CCBE1: variants seen among roughly 807,000 people sequenced by gnomAD.
CCBE1 encodes collagen and calcium-binding EGF domain-containing protein 1.
CCBE1 carries 37 observed loss-of-function variants against 50.0 expected under a neutral mutation model. That is an observed-to-expected ratio of 0.74 (90% confidence interval 0.57 to 0.97). CCBE1 has a LOEUF of 0.97. Among genes scored for constraint, CCBE1 ranks in the 50% least tolerant of loss-of-function variants. The pLI, the probability that CCBE1 is intolerant of heterozygous loss-of-function variation, is 0.00. For missense variants in CCBE1, 538 were observed against 523.8 expected (o/e 1.03, Z -0.26); for synonymous variants, 234 against 203.7 (o/e 1.15, Z -1.27).
At chr18:59,667,308 T>G (rs972666840) in intron 2 of CCBE1, among the ~76,000 whole-genome samples, 5 of 152,098 alleles carry the variant, frequency 3.3e-5, no homozygotes, top group African/African-American at 1.2e-4. Context: ...ACAGGGTACA[T>G]TTTTCTATTT....
chr18:59,621,968 C>G (rs569132782), intron 2 of CCBE1, among the ~76,000 whole-genome samples: 1 of 152,292 alleles, frequency 6.6e-6, no homozygotes, highest in East Asian at 1.9e-4. Context: ...CTAAACGACA[C>G]CCCAGCACTA....
chr18:59,437,819 T>C lies in CCBE1; in HGVS notation c.987+292A>G, dbSNP rs115142041. Among the ~76,000 whole-genome samples the C allele has an allele frequency of 2.1e-3, 323 of 152,314 alleles. 2 individuals carry two copies. Among genetic ancestry groups the C allele is most frequent in the African/African-American group, 7.1e-3 (295 of 41,562 alleles). On this transcript the variant is annotated intron_variant, in intron 10 of 10. Coordinates refer to ENST00000439986, the MANE Select transcript of CCBE1 (RefSeq NM_133459.4). ...CCTTTCAAATGTTTTATGATAATAC[T>C]TGGAAACAGACTCATGGCATAGCAG... is the stretch of plus-strand genomic sequence containing the variant.
intron 2 of CCBE1, among the ~76,000 whole-genome samples, chr18:59,493,202 T>C (rs769003342): frequency 1.3e-5 from 2 of 152,216 alleles, no homozygotes; most frequent in Non-Finnish European, 2.9e-5. Context: ...TGATCTGAGA[T>C]AGTCTTTCTT....
intron 9 of CCBE1, 149 bp from the exon 10 acceptor site, chr18:59,438,295 G>A (rs1289940391): frequency 1.2e-5 from 9 of 748,058 alleles, no homozygotes; most frequent in African/African-American, 6.9e-5. Context: ...CTGGACTCAC[G>A]GGACCACTTA....
intron 2 of CCBE1, among the ~76,000 whole-genome samples, chr18:59,511,866 G>C (rs1914146953): frequency 6.6e-6 from 1 of 152,198 alleles, no homozygotes; most frequent in African/African-American, 2.4e-5. Flanking sequence ...TGATCAAAAA[G>C]AGGCAAAATG....
chr18:59,696,986 G>A (rs1434254070), intron 1 of CCBE1, among the ~76,000 whole-genome samples: 1 of 152,200 alleles, frequency 6.6e-6, no homozygotes, highest in African/African-American at 2.4e-5. Context: ...GGAACGCGGG[G>A]CGAAGGGTAT....
chr18:59,656,698 G>GAT (rs764090541), intron 2 of CCBE1, among the ~76,000 whole-genome samples: 2 of 152,196 alleles, frequency 1.3e-5, no homozygotes, highest in Non-Finnish European at 2.9e-5. Flanking sequence ...CATTTTTAGT[G>GAT]ATAGAGTTGT....
intron 2 of CCBE1, among the ~76,000 whole-genome samples, chr18:59,587,880 C>T (rs2053200900): frequency 6.6e-6 from 1 of 152,024 alleles, no homozygotes; most frequent in Non-Finnish European, 1.5e-5. Flanking sequence ...AAAGAGGCAA[C>T]AAATGAATTT....
At chr18:59,669,031 A>C (rs2054396602) in intron 2 of CCBE1, among the ~76,000 whole-genome samples, 1 of 151,840 alleles carries the variant, frequency 6.6e-6, no homozygotes, top group Non-Finnish European at 1.5e-5. Flanking sequence ...AGAGGGTTTT[A>C]CTATGTTGGC....
At chr18:59,559,777 T>TAAA (rs1374818990) in intron 2 of CCBE1, among the ~76,000 whole-genome samples, 3 of 152,258 alleles carry the variant, frequency 2.0e-5, no homozygotes, top group African/African-American at 4.8e-5. Context: ...TCTCTGCGTC[T>TAAA]TGGCATCAGC....
intron 2 of CCBE1, among the ~76,000 whole-genome samples, chr18:59,511,740 CCT>C (rs1198459277): frequency 6.6e-6 from 1 of 152,162 alleles, no homozygotes; most frequent in African/African-American, 2.4e-5. Context: ...CATTAACCAA[CCT>C]CTCTTCATAA....
chr18:59,579,677 C>T (rs1325586309), intron 2 of CCBE1, among the ~76,000 whole-genome samples: 1 of 152,214 alleles, frequency 6.6e-6, no homozygotes, highest in African/African-American at 2.4e-5. Flanking sequence ...AGCCACCTGC[C>T]TGGAGCATGC....
At chr18:59,552,568 T>A (rs1264904499) in intron 2 of CCBE1, among the ~76,000 whole-genome samples, 1 of 152,202 alleles carries the variant, frequency 6.6e-6, no homozygotes, top group Non-Finnish European at 1.5e-5. Context: ...GCTGACTTAA[T>A]CATCCAAAAG....
At chr18:59,503,888 A>G (rs1226711903) in intron 2 of CCBE1, among the ~76,000 whole-genome samples, 1 of 152,022 alleles carries the variant, frequency 6.6e-6, no homozygotes, top group Non-Finnish European at 1.5e-5. Flanking sequence ...CTCTCCACCT[A>G]TGGGTACAAC....
chr18:59,633,597 A>C (rs1047017097), intron 2 of CCBE1, among the ~76,000 whole-genome samples: 2 of 152,214 alleles, frequency 1.3e-5, no homozygotes, highest in African/African-American at 4.8e-5. Flanking sequence ...GCAGTTAATA[A>C]AGGATACTCA....
rs60888501 is a variant in CCBE1, at chr18:59,485,584, ATATT to A, written c.213-5350_213-5347del. ...CTTATTCATGCGCCAGATATATCAGATATTTATTTATTTATTTATTTATTTATTT... is the reference window on the plus strand; with the variant it reads ...CTTATTCATGCGCCAGATATATCAGATATTTATTTATTTATTTATTTATTT... On this transcript the variant is annotated intron_variant, in intron 2 of 10. Transcript: ENST00000439986. 5.8e-3 allele frequency among the ~76,000 whole-genome samples: 814 copies of A among 140,876 alleles called. 2 individuals carry two copies. The highest frequency in any genetic ancestry group is 0.015 in the Middle Eastern group (4 of 274). 92.4% of individuals were successfully genotyped at this position (140,876 alleles called of 152,430 possible).
chr18:59,519,835 A>G (rs1914524067), intron 2 of CCBE1, among the ~76,000 whole-genome samples: 1 of 152,086 alleles, frequency 6.6e-6, no homozygotes, highest in Non-Finnish European at 1.5e-5. Context: ...GTCCATCTTG[A>G]ATTAATTTTT....
chr18:59,624,017 G>A (rs966832477), intron 2 of CCBE1, among the ~76,000 whole-genome samples: 2 of 152,218 alleles, frequency 1.3e-5, no homozygotes, highest in East Asian at 1.9e-4. Context: ...CAATGTGGGA[G>A]TGACTGAACT....
intron 2 of CCBE1, among the ~76,000 whole-genome samples, chr18:59,557,892 C>A (rs1032123140): frequency 2.0e-5 from 3 of 152,172 alleles, no homozygotes; most frequent in Non-Finnish European, 4.4e-5. Flanking sequence ...CAAGACCCTC[C>A]GCTGGTAACA....
Sources: allele counts gnomAD v4.1 joint callset (sites outside exome capture counted in the v4.1 genomes callset), GRCh38; gene constraint gnomAD v4.1.1; transcripts MANE v1.5; gene names NCBI Gene and HGNC (gene_info 2026-07-23, HGNC 2026-07-21).